Variants in PPP1R14D observed in about 807,000 individuals in gnomAD.
PPP1R14D encodes protein phosphatase 1 regulatory inhibitor subunit 14D.
PPP1R14D carries 14 observed loss-of-function variants against 17.1 expected under a neutral mutation model. That is an observed-to-expected ratio of 0.82 (90% CI 0.54 to 1.28). PPP1R14D has a LOEUF of 1.28. Among genes scored for constraint, PPP1R14D ranks in the 50% most tolerant of loss-of-function variants. PPP1R14D has a pLI of 0.00. For missense variants in PPP1R14D, 173 were observed against 179.2 expected, an observed-to-expected ratio of 0.97 and a Z score of 0.20; for synonymous variants, 67 against 66.1, an observed-to-expected ratio of 1.01 and a Z score of -0.06.
chr15:40,827,886 C>T (rs900482564), intron 1 of PPP1R14D, among the ~76,000 whole-genome samples: 2 of 152,068 alleles, frequency 1.3e-5, no homozygotes, highest in Admixed American at 6.6e-5. Flanking sequence ...TGCACTACTG[C>T]ATTCCAGCCT....
rs747403178 is a variant in PPP1R14D at position 40,828,534 on chromosome 15, GTC to G, written c.106_107del (p.Asp36LeufsTer26). 5 of 1,614,254 alleles carry G rather than the reference GTC, an allele frequency of 3.1e-6. No homozygotes were observed. Among genetic ancestry groups the G allele is most frequent in the Non-Finnish European group, 4.2e-6 (5 of 1,180,048 alleles). On this transcript the variant is annotated frameshift_variant, in exon 1 of 4. Coordinates refer to ENST00000299174, the MANE Select transcript of PPP1R14D (RefSeq NM_017726.8). LOFTEE classifies it high-confidence loss of function. Reference protein sequence around the residue: ...ASGRRRTSSTDSESKSHPDSS... With the variant: ...ASGRRRTSSTXSESKSHPDSS... ...AGTCCGGGTGGGACTTGGACTCTGAGTCTGTGGATGATGTCCTTCTCCTCCCA... is the reference window on the plus strand; with the variant it reads ...AGTCCGGGTGGGACTTGGACTCTGAGTGTGGATGATGTCCTTCTCCTCCCA...
intron 1 of PPP1R14D, among the ~76,000 whole-genome samples, chr15:40,825,094 G>A (rs1424959812): frequency 6.6e-6 from 1 of 151,962 alleles, no homozygotes; most frequent in Non-Finnish European, 1.5e-5. Context: ...GACCAGACTG[G>A]CCAACATGGT....
At position 40,816,758 on chromosome 15, in the gene PPP1R14D, G is replaced by A. The variant is rs572023968; in HGVS notation, c.256-505C>T. 3.3e-4 allele frequency among the ~76,000 whole-genome samples: 50 copies of A among 151,610 alleles called. No homozygotes were observed. The South Asian group carries it at 9.2e-3, about 28-fold the overall frequency. ...ATAATAAAAAAAGACATCTGTTAAG[G>A]GACTGTTACCCAAAAAATACAAAGA... On this transcript the variant is annotated intron_variant, in intron 1 of 3. Transcript: ENST00000299174.
At position 40,828,665 on chromosome 15, in the gene PPP1R14D, G is replaced by T. The variant is rs553632331; in HGVS notation, c.-24C>A. On this transcript the variant is annotated 5_prime_UTR_variant, in exon 1 of 4. Coordinates refer to ENST00000299174, the MANE Select transcript of PPP1R14D (RefSeq NM_017726.8). ...ATGGAAGTATTGGTCTGGGCAAGGA[G>T]CTGGGAAAAACCGCCAGTTCTGAGC... 1 of 1,581,286 alleles carries T rather than the reference G, an allele frequency of 6.3e-7. No homozygotes were observed. Among genetic ancestry groups the T allele is most frequent in the South Asian group, 1.2e-5 (1 of 85,484 alleles).
chr15:40,825,409 A>T (rs1400921298), intron 1 of PPP1R14D, among the ~76,000 whole-genome samples: 1 of 152,134 alleles, frequency 6.6e-6, no homozygotes, highest in Non-Finnish European at 1.5e-5. Context: ...CTTAGAAGGC[A>T]AATCATGCTC....
At chr15:40,819,099 ATTCT>A (rs1890726602) in intron 1 of PPP1R14D, among the ~76,000 whole-genome samples, 1 of 152,222 alleles carries the variant, frequency 6.6e-6, no homozygotes, top group South Asian at 2.1e-4. Context: ...CAACAAGGAC[ATTCT>A]TTCTGTTATC....
intron 2 of PPP1R14D, 37 bp from the exon 3 acceptor site, chr15:40,816,031 C>T: frequency 1.2e-6 from 2 of 1,612,840 alleles, no homozygotes; most frequent in Non-Finnish European, 1.7e-6. Flanking sequence ...CCCCAAGTCA[C>T]AGCACTTTCC....
chr15:40,825,691 T>C (rs755358350), intron 1 of PPP1R14D, among the ~76,000 whole-genome samples: 15 of 152,206 alleles, frequency 9.9e-5, no homozygotes, highest in Non-Finnish European at 1.9e-4. Flanking sequence ...CTGGAGACTG[T>C]GCTGTCTTGA....
chr15:40,821,127 G>C (rs1890769068), intron 1 of PPP1R14D, among the ~76,000 whole-genome samples: 1 of 151,912 alleles, frequency 6.6e-6, no homozygotes, highest in African/African-American at 2.4e-5. Context: ...CTCAGGTCAG[G>C]GGTTCGAGAT....
chr15:40,815,935 C>T (rs1890652016), intron 3 of PPP1R14D, 27 bp downstream of exon 3: 2 of 1,613,656 alleles, frequency 1.2e-6, no homozygotes, highest in Non-Finnish European at 1.7e-6. Flanking sequence ...TCCTCTTACC[C>T]CAGACCAGCA....
At position 40,828,428 on chromosome 15, in the gene PPP1R14D, T is replaced by A. The variant is rs1222732950; in HGVS notation, c.214A>T (p.Met72Leu). Reference protein sequence around the residue: ...DRGQLQRWLEMEQWVDAQVQE... With the variant: ...DRGQLQRWLELEQWVDAQVQE... ...ACTTGAGCATCCACCCATTGCTCCATCTCCAGCCAGCGCTGGAGCTGGCCC... is the reference window on the plus strand; with the variant it reads ...ACTTGAGCATCCACCCATTGCTCCAACTCCAGCCAGCGCTGGAGCTGGCCC... Residue 72 changes from methionine (M) to leucine (L), a missense_variant, in exon 1 of 4, where the codon ATG (methionine) becomes TTG (leucine). Coordinates refer to ENST00000299174, the MANE Select transcript of PPP1R14D (RefSeq NM_017726.8). 1.2e-6 allele frequency: 2 copies of A among 1,612,756 alleles called. No individual in the cohort carries two copies. The highest frequency in any genetic ancestry group is 8.5e-7 in the Non-Finnish European group (1 of 1,179,402).
chr15:40,824,486 T>C (rs1890838066), intron 1 of PPP1R14D, among the ~76,000 whole-genome samples: 1 of 151,896 alleles, frequency 6.6e-6, no homozygotes, highest in South Asian at 2.1e-4. Flanking sequence ...TCCTCCCTCC[T>C]CAGCCTCCCA....
intron 1 of PPP1R14D, among the ~76,000 whole-genome samples, chr15:40,827,786 C>T (rs1890894129): frequency 6.6e-6 from 1 of 151,952 alleles, no homozygotes; most frequent in Admixed American, 6.6e-5. Flanking sequence ...ATTTGCCAGG[C>T]GTGGTGGTGC....
At chr15:40,827,935 C>G in intron 1 of PPP1R14D, among the ~76,000 whole-genome samples, 1 of 147,320 alleles carries the variant, frequency 6.8e-6, no homozygotes, top group Non-Finnish European at 1.5e-5. Context: ...AACAAACAAA[C>G]AAACAAAAAA....
chr15:40,816,869 C>T (rs899150516), intron 1 of PPP1R14D, among the ~76,000 whole-genome samples: 5 of 149,760 alleles, frequency 3.3e-5, no homozygotes, highest in Non-Finnish European at 5.9e-5. Flanking sequence ...GTCACGAGTT[C>T]GAGACCAGCC....
chr15:40,822,076 G>A (rs907188013), intron 1 of PPP1R14D, among the ~76,000 whole-genome samples: 3 of 151,992 alleles, frequency 2.0e-5, no homozygotes, highest in Admixed American at 1.3e-4. Context: ...TCAGGAGTTC[G>A]AGACCAGCCT....
At chr15:40,818,311 A>C (rs1890711277) in intron 1 of PPP1R14D, among the ~76,000 whole-genome samples, 1 of 151,230 alleles carries the variant, frequency 6.6e-6, no homozygotes, top group Non-Finnish European at 1.5e-5. Context: ...AAAAAAAAAA[A>C]ACCACACATG....
intron 1 of PPP1R14D, among the ~76,000 whole-genome samples, chr15:40,826,700 G>A (rs1172544445): frequency 6.6e-6 from 1 of 152,164 alleles, no homozygotes; most frequent in Non-Finnish European, 1.5e-5. Context: ...AGGCATGGTG[G>A]CTCACACCTG....
intron 1 of PPP1R14D, among the ~76,000 whole-genome samples, chr15:40,824,639 G>A (rs557680440): frequency 6.6e-6 from 1 of 152,160 alleles, no homozygotes; most frequent in South Asian, 2.1e-4. Context: ...AAAGTGCTGG[G>A]ATCATAGACA....
Sources: allele counts gnomAD v4.1 joint callset (sites outside exome capture counted in the v4.1 genomes callset), GRCh38; gene constraint gnomAD v4.1.1; transcripts MANE v1.5; gene names NCBI Gene and HGNC (gene_info 2026-07-23, HGNC 2026-07-21).